ZNF799: variants seen among roughly 807,000 people sequenced by gnomAD.
ZNF799 encodes zinc finger protein 14.
A neutral mutation model predicts 41.0 loss-of-function variants in ZNF799; 28 were observed. The ratio of observed to expected loss-of-function variants is 0.68; its 90% CI spans 0.51 to 0.94. The LOEUF (loss-of-function observed/expected upper bound fraction) is 0.94, where lower values mean the gene tolerates loss of function less well. Among genes scored for constraint, ZNF799 ranks in the 40% least tolerant of loss-of-function variants. ZNF799 has a pLI of 0.00. For synonymous variants in ZNF799, 213 were observed against 252.9 expected (o/e 0.84, Z 1.50); for missense variants, 716 against 764.3 (o/e 0.94, Z 0.74).
chr19:12,407,471 AAG>A, the ZNF799 span, among the ~76,000 whole-genome samples: 3 of 151,248 alleles, frequency 2.0e-5, no homozygotes, highest in Admixed American at 6.6e-5. Flanking sequence ...TAAAAAAAAA[AAG>A]AGAGAGAGAG....
rs746135594 is a variant in ZNF799, at chr19:12,391,982, T to C, written c.416A>G (p.Lys139Arg). The C allele has an allele frequency of 5.0e-6, 8 of 1,614,106 alleles. No individual in the cohort carries two copies. Among genetic ancestry groups the C allele is most frequent in the Admixed American group, 1.7e-5 (1 of 60,006 alleles). ...KPYEYHECGE[K>R]PDTHKQRGKA... ...CCCACGTTGTTTATGCGTATCTGGC[T>C]TCTCTCCACATTCATGATACTCATA... Residue 139 changes from lysine to arginine, a missense_variant, in exon 4 of 4, where the codon AAG becomes AGG. By Grantham distance (26) the Lys-to-Arg change is conservative. This residue lies in a region of ZNF799 where 698 missense variants were observed against 713.6 expected (regional missense o/e 0.98). Coordinates refer to ENST00000430385, the MANE Select transcript of ZNF799 (RefSeq NM_001080821.3).
intron 1 of ZNF799, among the ~76,000 whole-genome samples, chr19:12,398,681 C>G (rs943432783): frequency 6.6e-6 from 1 of 152,204 alleles, no homozygotes; most frequent in Non-Finnish European, 1.5e-5. Flanking sequence ...GTCCCAAAAT[C>G]TCCACCCTTT....
In ZNF799 at chr19:12,401,048, C is replaced by G. The variant is rs1486826409; in HGVS notation, c.3+20G>C. ...ACCCAGCCCCTCCCCCGCCTCGGGA[C>G]GCCGGCCCAGCACACGCACCATTTC... On this transcript the variant is annotated intron_variant, in intron 1 of 3. Coordinates refer to ENST00000430385, the MANE Select transcript of ZNF799 (RefSeq NM_001080821.3). The G allele has an allele frequency of 1.2e-6, 2 of 1,614,004 alleles. No individual in the cohort carries two copies. Among genetic ancestry groups the G allele is most frequent in the South Asian group, 2.2e-5 (2 of 91,074 alleles).
At chr19:12,395,331 G>A (rs948561984) in intron 1 of ZNF799, among the ~76,000 whole-genome samples, 16 of 151,930 alleles carry the variant, frequency 1.1e-4, no homozygotes, top group Admixed American at 4.6e-4. Flanking sequence ...TACTAGAGAC[G>A]GGGTTTCACC....
At chr19:12,407,271 C>T in the ZNF799 span, among the ~76,000 whole-genome samples, 1 of 152,000 alleles carries the variant, frequency 6.6e-6, no homozygotes, top group East Asian at 1.9e-4. Context: ...CAAGGCCAGC[C>T]TGGGCAACAT....
At chr19:12,401,016 A>C (rs913878769) in intron 1 of ZNF799, 52 bp downstream of exon 1, 64 of 1,613,732 alleles carry the variant, frequency 4.0e-5, no homozygotes, top group East Asian at 6.7e-5. Context: ...CGATTACTGC[A>C]GGTTCCACCC....
chr19:12,403,001 G>A (rs1246752236), upstream of ZNF799, among the ~76,000 whole-genome samples: 5 of 152,148 alleles, frequency 3.3e-5, no homozygotes, highest in Non-Finnish European at 5.9e-5. Context: ...AGTTTGAGTA[G>A]GATTGGTATT....
upstream of ZNF799, among the ~76,000 whole-genome samples, chr19:12,403,289 T>C (rs1970010622): frequency 1.3e-5 from 2 of 152,250 alleles, no homozygotes; most frequent in East Asian, 1.9e-4. Flanking sequence ...TCCTTTTTCA[T>C]CTCTAATTTT....
chr19:12,408,534 G>T, the ZNF799 span, among the ~76,000 whole-genome samples: 1 of 152,106 alleles, frequency 6.6e-6, no homozygotes. Flanking sequence ...GAAAGACACA[G>T]ATACATTAAA....
intron 1 of ZNF799, chr19:12,394,686 T>C (rs1969869683): frequency 2.0e-6 from 2 of 985,306 alleles, no homozygotes; most frequent in Non-Finnish European, 2.4e-6. Context: ...AGACTGCACA[T>C]ATTCTTAGAA....
chr19:12,410,014 G>A, the ZNF799 span, among the ~76,000 whole-genome samples: 3 of 151,886 alleles, frequency 2.0e-5, no homozygotes, highest in African/African-American at 7.3e-5. Context: ...TGGGCATGGT[G>A]GTGCACACCT....
chr19:12,401,910 A>AT (rs1969995797), upstream of ZNF799, among the ~76,000 whole-genome samples: 1 of 142,502 alleles, frequency 7.0e-6, no homozygotes, highest in Non-Finnish European at 1.6e-5. Flanking sequence ...TTTTCAAAAT[A>AT]TTTCAATGTA....
At chr19:12,413,302 T>C in the ZNF799 span, among the ~76,000 whole-genome samples, 2 of 151,936 alleles carry the variant, frequency 1.3e-5, no homozygotes, top group African/African-American at 4.8e-5. Context: ...CAATGAGGAG[T>C]CCCCCTCCCT....
chr19:12,404,345 G>A (rs181320689), upstream of ZNF799, among the ~76,000 whole-genome samples: 185 of 152,188 alleles, frequency 1.2e-3, 1 homozygote, highest in African/African-American at 4.3e-3. Flanking sequence ...AATCTTTGTC[G>A]ATTTACTGTC....
chr19:12,396,994 T>C (rs1205842384), intron 1 of ZNF799, among the ~76,000 whole-genome samples: 1 of 152,168 alleles, frequency 6.6e-6, no homozygotes, highest in Non-Finnish European at 1.5e-5. Flanking sequence ...AATAATTCAA[T>C]GAAGGCACAA....
upstream of ZNF799, among the ~76,000 whole-genome samples, chr19:12,402,612 AC>A (rs1364554996): frequency 1.4e-5 from 1 of 73,490 alleles, no homozygotes; most frequent in African/African-American, 1.2e-4. Context: ...CTGCTTCTAT[AC>A]CCAGTTTTTT....
chr19:12,394,977 CCCT>C, intron 1 of ZNF799: 1 of 675,216 alleles, frequency 1.5e-6, no homozygotes, highest in Non-Finnish European at 1.8e-6. Flanking sequence ...TTGGCCCAAT[CCCT>C]CCCCCTATCA....
upstream of ZNF799, among the ~76,000 whole-genome samples, chr19:12,401,526 G>A (rs1195803368): frequency 1.4e-5 from 2 of 139,090 alleles, no homozygotes; most frequent in African/African-American, 5.4e-5. Flanking sequence ...TACACTGACT[G>A]ACAAAACAAT....
the ZNF799 span, among the ~76,000 whole-genome samples, chr19:12,409,266 G>A: frequency 8.5e-5 from 13 of 152,190 alleles, no homozygotes; most frequent in East Asian, 1.9e-4. Flanking sequence ...ATCTAATACC[G>A]CCACTGGTTT....
Sources: allele counts gnomAD v4.1 joint callset (sites outside exome capture counted in the v4.1 genomes callset), GRCh38; gene constraint gnomAD v4.1.1; regional missense constraint gnomAD v4.1.1; transcripts MANE v1.5; gene names NCBI Gene and HGNC (gene_info 2026-07-23, HGNC 2026-07-21).